MACROH2A1: variants seen among roughly 807,000 people sequenced by gnomAD.
The protein encoded by MACROH2A1 is macroH2A.1 histone, also known as core histone macro-H2A.1.
MACROH2A1 carries 2 observed loss-of-function variants against 31.6 expected under a neutral mutation model. That is an observed-to-expected ratio of 0.06 (90% CI 0.03 to 0.20). MACROH2A1 has a LOEUF of 0.20. Among genes scored for constraint, MACROH2A1 ranks in the 10% least tolerant of loss-of-function variants. The probability of loss-of-function intolerance (pLI) is 1.00; values close to 1 mark genes in which losing one functional copy is unlikely to be tolerated. For synonymous variants in MACROH2A1, 169 were observed against 189.6 expected (o/e 0.89, Z 0.89); for missense variants, 230 against 474.0 (o/e 0.49, Z 4.78).
chr5:135,377,721 AATAATT>A (rs1765081718), intron 2 of MACROH2A1, among the ~76,000 whole-genome samples: 1 of 152,200 alleles, frequency 6.6e-6, no homozygotes, highest in Non-Finnish European at 1.5e-5. Flanking sequence ...TCAAAATGAA[AATAATT>A]ATAACACTGG....
intron 4 of MACROH2A1, chr5:135,362,277 G>T (rs1035048420): frequency 3.9e-5 from 6 of 152,208 alleles, no homozygotes; most frequent in Non-Finnish European, 5.9e-5. Flanking sequence ...TTGTGACCAT[G>T]TGTACCACGG....
intron 2 of MACROH2A1, among the ~76,000 whole-genome samples, chr5:135,374,536 G>A (rs1216099904): frequency 2.0e-5 from 3 of 152,220 alleles, no homozygotes; most frequent in Admixed American, 2.0e-4. Flanking sequence ...CAGCAAGGAG[G>A]GCTTTCTCCT....
intron 7 of MACROH2A1, chr5:135,345,765 A>C (rs970788443): frequency 3.7e-6 from 2 of 542,726 alleles, no homozygotes; most frequent in African/African-American, 3.8e-5. Flanking sequence ...TTAAGTAATA[A>C]AAAAAAATGC....
intron 5 of MACROH2A1, chr5:135,358,834 G>T: frequency 2.0e-6 from 2 of 985,004 alleles, no homozygotes; most frequent in Non-Finnish European, 2.4e-6. Context: ...TTTTATTCGT[G>T]TGATGCCTGG....
intron 8 of MACROH2A1, among the ~76,000 whole-genome samples, chr5:135,338,210 G>A (rs1759129907): frequency 6.6e-6 from 1 of 152,208 alleles, no homozygotes; most frequent in South Asian, 2.1e-4. Flanking sequence ...TCTGAGGCTT[G>A]GGTGGCCTGA....
intron 5 of MACROH2A1, chr5:135,356,004 A>G (rs1223913798): frequency 1.3e-5 from 2 of 152,240 alleles, no homozygotes; most frequent in Non-Finnish European, 2.9e-5. Flanking sequence ...TCCCAAAATT[A>G]GTCTGATTTT....
At chr5:135,335,233 A>G in intron 8 of MACROH2A1, 92 bp from the exon 9 acceptor site, 2 of 945,676 alleles carry the variant, frequency 2.1e-6, no homozygotes, top group South Asian at 3.0e-5. Context: ...TCTGTGCTGC[A>G]GCTTGCCTTG....
chr5:135,368,948 G>A (rs1763850093), intron 4 of MACROH2A1, among the ~76,000 whole-genome samples: 1 of 152,240 alleles, frequency 6.6e-6, no homozygotes, highest in Non-Finnish European at 1.5e-5. Flanking sequence ...CCATTCTGGA[G>A]TGAACTGTCT....
At chr5:135,396,238 GA>G (rs1423192848) in intron 1 of MACROH2A1, among the ~76,000 whole-genome samples, 4 of 152,218 alleles carry the variant, frequency 2.6e-5, no homozygotes, top group Non-Finnish European at 1.5e-5. Context: ...GCTATTTAGA[GA>G]AAAGTTAAAG....
At chr5:135,336,516 A>AGCCACAGAGCACG (rs3836767) in intron 8 of MACROH2A1, among the ~76,000 whole-genome samples, 72,207 of 151,858 alleles carry the variant, frequency 0.48, 21,648 homozygotes, top group African/African-American at 0.86. Context: ...GCAGCTCCTC[A>AGCCACAGAGCACG]GCCACAGAGC....
At chr5:135,362,231 G>A (rs1216034072) in intron 4 of MACROH2A1, 2 of 152,220 alleles carry the variant, frequency 1.3e-5, no homozygotes, top group Non-Finnish European at 2.9e-5. Flanking sequence ...ATAGACTGGT[G>A]AAGTTAACAG....
chr5:135,389,155 G>C (rs1766845178), intron 1 of MACROH2A1, 29 bp from the exon 2 acceptor site: 1 of 1,535,962 alleles, frequency 6.5e-7, no homozygotes, highest in Non-Finnish European at 8.9e-7. Context: ...CACCGGTCAG[G>C]GTGGCTGGGG....
chr5:135,380,104 G>A (rs1178043364), intron 2 of MACROH2A1, among the ~76,000 whole-genome samples: 1 of 152,076 alleles, frequency 6.6e-6, no homozygotes, highest in Non-Finnish European at 1.5e-5. Flanking sequence ...GGTAGTATCT[G>A]ACATTACCAA....
upstream of MACROH2A1, chr5:135,399,611 A>C (rs953294793): frequency 7.9e-5 from 12 of 152,118 alleles, no homozygotes; most frequent in African/African-American, 2.9e-4. The surrounding 1 kb of genome is among the most constrained non-coding windows in gnomAD (Gnocchi z 4.5). Context: ...GTGGGAAGGC[A>C]CAATGGCTGT....
At chr5:135,338,080 G>A in intron 8 of MACROH2A1, 3 of 940,086 alleles carry the variant, frequency 3.2e-6, no homozygotes, top group Non-Finnish European at 4.0e-6. Flanking sequence ...AATGCTTGTA[G>A]CAAAATGGAA....
chr5:135,343,545 A>G (rs1421110360), intron 7 of MACROH2A1, 111 bp from the exon 8 acceptor site: 3 of 1,499,946 alleles, frequency 2.0e-6, no homozygotes, highest in Non-Finnish European at 2.7e-6. Context: ...GGGCCCTCCA[A>G]TGCCCTGTGT....
intron 1 of MACROH2A1, among the ~76,000 whole-genome samples, chr5:135,390,420 T>A (rs760916100): frequency 1.7e-4 from 26 of 152,232 alleles, no homozygotes; most frequent in Non-Finnish European, 3.4e-4. Context: ...CTTCAGGTAT[T>A]ATGCTGGGCA....
chr5:135,388,579 G>A (rs1222513175), intron 2 of MACROH2A1, among the ~76,000 whole-genome samples: 7 of 152,174 alleles, frequency 4.6e-5, no homozygotes, highest in African/African-American at 2.4e-5. Flanking sequence ...ATATGATCCT[G>A]AAATGGATCC....
rs1269423050 is a variant in MACROH2A1 at position 135,398,936 on chromosome 5, C to G, written c.-34+126G>C. Reference sequence around the variant, plus strand: ...AGGACCCGGCGTGGGCCACACCGAACCCGGCGGCCCGAGCCCGGCCCGCAC... The same window carrying G: ...AGGACCCGGCGTGGGCCACACCGAAGCCGGCGGCCCGAGCCCGGCCCGCAC... On this transcript the variant is annotated intron_variant, in intron 1 of 8. Coordinates refer to ENST00000511689, the MANE Select transcript of MACROH2A1 (RefSeq NM_138610.3). This position sits in a 1 kb window ranked among gnomAD's most constrained non-coding sequence, Gnocchi z 4.6. 1.3e-5 allele frequency: 2 copies of G among 150,890 alleles called. No homozygotes were observed. The highest frequency in any genetic ancestry group is 3.0e-5 in the Non-Finnish European group (2 of 67,630). The allele number at this position is 150,890 out of a possible 1,614,324, so 9.3% of individuals were successfully genotyped here. A position where few individuals can be genotyped will look rare whatever the true frequency, so the allele number is the denominator to read the frequency against.
Sources: allele counts gnomAD v4.1 joint callset (sites outside exome capture counted in the v4.1 genomes callset), GRCh38; gene constraint gnomAD v4.1.1; non-coding constraint Gnocchi (gnomAD v3.1); transcripts MANE v1.5; gene names NCBI Gene and HGNC (gene_info 2026-07-23, HGNC 2026-07-21).